SYNE1: variants seen among roughly 807,000 people sequenced by gnomAD.
The protein encoded by SYNE1 is spectrin repeat containing nuclear envelope protein 1, also known as nesprin-1.
A neutral mutation model predicts 1,111.0 loss-of-function variants in SYNE1; 616 were observed. The ratio of observed to expected loss-of-function variants is 0.55; its 90% confidence interval spans 0.52 to 0.59. The LOEUF is 0.59. Among genes scored for constraint, SYNE1 ranks in the 20% least tolerant of loss-of-function variants. The pLI is 0.00. For synonymous variants in SYNE1, 3,855 were observed against 3,825.8 expected (o/e 1.01, Z -0.28); for missense variants, 10,006 against 10,417.0 (o/e 0.96, Z 1.72).
At position 152,483,173 on chromosome 6, in the gene SYNE1, G is replaced by C; in HGVS notation, c.1262C>G (p.Ala421Gly). 6.2e-7 allele frequency: 1 copy of C among 1,614,110 alleles called. No homozygotes were observed. Among genetic ancestry groups the C allele is most frequent in the Non-Finnish European group, 8.5e-7 (1 of 1,179,996 alleles). ...LGTIGAWLYR[A>G]EVALREEITV... The stretch of plus-strand genomic sequence containing the variant: ...TATTTCCTCTCTCAGGGCCACCTCC[G>C]CTCTGTACAGCCAGGCACCTATGGT... The change falls in exon 14 of 146, where the codon GCG becomes GGG. Residue 421 changes from alanine to glycine, a missense_variant. This residue lies in a region of SYNE1 where 1,971 missense variants were observed against 2,084.1 expected (regional missense o/e 0.95). Coordinates refer to ENST00000367255, the MANE Select transcript of SYNE1 (RefSeq NM_182961.4).
chr6:152,334,381 T>C (rs1373906324), intron 76 of SYNE1, 108 bp from the exon 77 acceptor site: 9 of 1,173,674 alleles, frequency 7.7e-6, no homozygotes, highest in Middle Eastern at 2.7e-4. Flanking sequence ...TTCCTTAATA[T>C]GAAAAAAACT....
rs750231401 is a variant in SYNE1 at position 152,409,244 on chromosome 6, CTTAA to C, written c.6382-22_6382-19del. The C allele has an allele frequency of 4.3e-6, 7 of 1,611,250 alleles. 1 individual carries two copies. In the South Asian group the frequency reaches 7.7e-5, roughly 18 times the overall value. On this transcript the variant is annotated intron_variant, in intron 43 of 145. Coordinates refer to ENST00000367255, the MANE Select transcript of SYNE1 (RefSeq NM_182961.4). ...GTTTCATGCTGTGGATAAATGATTT[CTTAA>C]TTAATAAAATAGTCAGTGATAAGTC...
chr6:152,488,455 A>G lies in SYNE1; in HGVS notation c.988T>C (p.Phe330Leu), dbSNP rs1427568458. ...TGTGCTCTTGTCAAATCTCTCTCAA[A>G]TTGTTCTATCCAAACTTTCATTTCC... is the stretch of plus-strand genomic sequence containing the variant. ...FKEMKVWIEQFERDLTRAQMV... is the reference protein window; with the variant it reads ...FKEMKVWIEQLERDLTRAQMV... The change falls in exon 12 of 146, where the codon TTT (phenylalanine) becomes CTT (leucine). Residue 330 changes from phenylalanine (F) to leucine (L), a missense_variant. Phe to Leu is a conservative substitution (Grantham distance 22). Transcript: ENST00000367255. The G allele has an allele frequency of 6.2e-7, 1 of 1,609,402 alleles. No individual in the cohort carries two copies. The highest frequency in any genetic ancestry group is 1.7e-5 in the Admixed American group (1 of 59,930).
chr6:152,361,721 T>C (rs2096933932), intron 64 of SYNE1, among the ~76,000 whole-genome samples: 1 of 152,088 alleles, frequency 6.6e-6, no homozygotes, highest in Non-Finnish European at 1.5e-5. Context: ...CATGTTTGAA[T>C]ACTACTGCCA....
intron 114 of SYNE1, 120 bp from the exon 115 acceptor site, chr6:152,230,822 C>T (rs983351663): frequency 1.0e-5 from 12 of 1,163,838 alleles, no homozygotes; most frequent in East Asian, 7.8e-5. Flanking sequence ...TACAGTTCAT[C>T]GTATATATGA....
chr6:152,433,992 GAAC>G lies in SYNE1; in HGVS notation c.4311-50_4311-48del, dbSNP rs1265914418. 4.7e-6 allele frequency: 7 copies of G among 1,490,366 alleles called. No homozygotes were observed. The East Asian group carries it at 1.4e-4, about 31-fold the overall frequency. 92.3% of individuals were successfully genotyped at this position (1,490,366 alleles called of 1,614,324 possible). On this transcript the variant is annotated intron_variant, in intron 33 of 145. Coordinates refer to ENST00000367255, the MANE Select transcript of SYNE1 (RefSeq NM_182961.4). ...AAATAAAACTCAGTATTTTAATAGA[GAAC>G]AACAACACATTTTCCTTGAAATCAC...
At chr6:152,449,914 G>A (rs1447717647) in intron 27 of SYNE1, among the ~76,000 whole-genome samples, 1 of 152,172 alleles carries the variant, frequency 6.6e-6, no homozygotes, top group Non-Finnish European at 1.5e-5. Context: ...AAAGAAGGAA[G>A]GGACCACTTG....
rs1283994711 is a variant in SYNE1, at chr6:152,344,606, C to T, written c.12079-379G>A. ...ATAAATATTGCACTTTTTGTTTAAGCTAGCAACTAAAAGTAAAAATAAAAA... is the reference window on the plus strand; with the variant it reads ...ATAAATATTGCACTTTTTGTTTAAGTTAGCAACTAAAAGTAAAAATAAAAA... On this transcript the variant is annotated intron_variant, in intron 73 of 145. Coordinates refer to ENST00000367255, the MANE Select transcript of SYNE1 (RefSeq NM_182961.4). Among the ~76,000 whole-genome samples the T allele has an allele frequency of 2.6e-5, 4 of 152,046 alleles. No individual in the cohort carries two copies. The East Asian group carries it at 5.8e-4, about 22-fold the overall frequency.
rs549347136 is a variant in SYNE1, at chr6:152,288,970, G to C, written c.18012+4618C>G. On this transcript the variant is annotated intron_variant, in intron 95 of 145. Coordinates refer to ENST00000367255, the MANE Select transcript of SYNE1 (RefSeq NM_182961.4). ...CAAGATCTAGCAGCCAGGCTCAGGG[G>C]GGGCGTGAGATTTTCTTTTGGGGTC... Among the ~76,000 whole-genome samples the C allele has an allele frequency of 2.0e-5, 3 of 152,314 alleles. No homozygotes were observed. The East Asian group carries it at 5.8e-4, about 29-fold the overall frequency.
chr6:152,578,088 A>T (rs1216476824), intron 3 of SYNE1, among the ~76,000 whole-genome samples: 1 of 152,206 alleles, frequency 6.6e-6, no homozygotes, highest in Non-Finnish European at 1.5e-5. Flanking sequence ...TTGCTACAAT[A>T]GGCAGTGAAA....
intron 5 of SYNE1, among the ~76,000 whole-genome samples, chr6:152,525,301 C>T (rs559592449): frequency 6.6e-6 from 1 of 152,164 alleles, no homozygotes; most frequent in East Asian, 1.9e-4. Context: ...TGCCAAGATA[C>T]AAGTGATAAA....
At chr6:152,358,265 A>G in intron 66 of SYNE1, 108 bp downstream of exon 66, 1 of 1,450,388 alleles carries the variant, frequency 6.9e-7, no homozygotes, top group Non-Finnish European at 9.6e-7. Flanking sequence ...CTTAATGTGT[A>G]TCAACTAGCC....
chr6:152,359,792 C>T (rs2096900588), intron 64 of SYNE1, among the ~76,000 whole-genome samples: 1 of 151,840 alleles, frequency 6.6e-6, no homozygotes, highest in Admixed American at 6.6e-5. Context: ...CTACCCCAGC[C>T]CCCATGAAGC....
intron 137 of SYNE1, chr6:152,146,448 A>G (rs958592587): frequency 6.6e-6 from 1 of 152,188 alleles, no homozygotes; most frequent in Non-Finnish European, 1.5e-5. Flanking sequence ...TCATGTAAGC[A>G]TGTTTTCCAC....
At chr6:152,166,134 CT>C (rs1292528316) in intron 130 of SYNE1, among the ~76,000 whole-genome samples, 2 of 152,088 alleles carry the variant, frequency 1.3e-5, no homozygotes, top group Non-Finnish European at 2.9e-5. Context: ...GGTTGGAGTG[CT>C]TGTTTTCTCC....
chr6:152,123,211 C>T (rs2052034400), intron 145 of SYNE1, among the ~76,000 whole-genome samples: 1 of 152,188 alleles, frequency 6.6e-6, no homozygotes, highest in Non-Finnish European at 1.5e-5. Flanking sequence ...CTTCATTAAT[C>T]ATAGAGCATA....
intron 95 of SYNE1, among the ~76,000 whole-genome samples, chr6:152,284,626 TTTTTTTTTTTTA>T (rs1347562122): frequency 1.4e-5 from 2 of 147,186 alleles, no homozygotes; most frequent in South Asian, 4.3e-4. Flanking sequence ...TTTTTTTTTT[TTTTTTTTTTTTA>T]CTTTTTGTAA....
In SYNE1 at chr6:152,465,502, T is replaced by C. The variant is rs201897858; in HGVS notation, c.1730-42A>G. 2.9e-5 allele frequency: 46 copies of C among 1,560,570 alleles called. No homozygotes were observed. The African/African-American group carries it at 5.7e-4, about 19-fold the overall frequency. ...CAATTATAACCCTTATCTCATATTT[T>C]AAATCCTCTACACCTTTTTTTCTAT... On this transcript the variant is annotated intron_variant, in intron 17 of 145. Transcript: ENST00000367255.
At chr6:152,537,693 A>G (rs1045191384) in intron 4 of SYNE1, among the ~76,000 whole-genome samples, 1 of 152,156 alleles carries the variant, frequency 6.6e-6, no homozygotes, top group South Asian at 2.1e-4. Flanking sequence ...GTGCCCCTAG[A>G]TATACAATCG....
Sources: allele counts gnomAD v4.1 joint callset (sites outside exome capture counted in the v4.1 genomes callset), GRCh38; gene constraint gnomAD v4.1.1; regional missense constraint gnomAD v4.1.1; transcripts MANE v1.5; gene names NCBI Gene and HGNC (gene_info 2026-07-23, HGNC 2026-07-21).